WDR36: variants seen among roughly 807,000 people sequenced by gnomAD.
WDR36 encodes the protein WD repeat domain 36, also known as WD repeat-containing protein 36.
A neutral mutation model predicts 112.7 loss-of-function variants in WDR36; 63 were observed. That is an observed-to-expected ratio of 0.56 (90% confidence interval 0.46 to 0.69). The LOEUF (loss-of-function observed/expected upper bound fraction) is 0.69, where lower values mean the gene tolerates loss of function less well. Ranked by LOEUF, WDR36 falls within the 30% of genes least tolerant of loss-of-function variation. WDR36 has a pLI of 0.00. For synonymous variants in WDR36, 410 were observed against 362.2 expected (o/e 1.13, Z -1.50); for missense variants, 1,226 against 1,070.3 (o/e 1.15, Z -2.03).
intron 12 of WDR36, among the ~76,000 whole-genome samples, chr5:111,109,641 T>C (rs1753287820): frequency 2.0e-5 from 3 of 151,408 alleles, no homozygotes; most frequent in Admixed American, 2.0e-4. Context: ...AATATTGATA[T>C]TTTAAGTATT....
Position 111,123,888 on chromosome 5 carries a change from A to T in WDR36, c.2232A>T (p.Arg744Ser), listed in dbSNP as rs780142881. ...CAACAATTCCTGGCCTTGTACCCAG[A>T]TATGCTGCACCTGAACAAAATAATG... Reference protein sequence around the residue: ...FIPTIPGLVPRYAAPEQNNDP... With the variant: ...FIPTIPGLVPSYAAPEQNNDP... The change falls in exon 20 of 23, where the codon AGA becomes AGT. Residue 744 changes from arginine (R) to serine (S), a missense_variant. Physicochemically the swap from Arg to Ser is moderately radical, Grantham distance 110. Transcript: ENST00000513710. 10 of 1,613,892 alleles carry T rather than the reference A, an allele frequency of 6.2e-6. No individual in the cohort carries two copies. The South Asian group carries it at 9.9e-5, about 16-fold the overall frequency.
chr5:111,110,646 TA>T, intron 13 of WDR36, 141 bp from the exon 14 acceptor site: 1 of 964,756 alleles, frequency 1.0e-6, no homozygotes, highest in East Asian at 2.6e-5. Flanking sequence ...CTTACACCCC[TA>T]AAATCCAGAT....
At chr5:111,107,728 T>C (rs1200459360) in intron 12 of WDR36, among the ~76,000 whole-genome samples, 7 of 150,880 alleles carry the variant, frequency 4.6e-5, no homozygotes, top group Non-Finnish European at 8.9e-5. Flanking sequence ...CCAGCACTAT[T>C]TGTTCAAAAG....
chr5:111,109,455 A>G (rs1580397408), intron 12 of WDR36, among the ~76,000 whole-genome samples: 1 of 151,308 alleles, frequency 6.6e-6, no homozygotes, highest in East Asian at 1.9e-4. Context: ...AGTTAAATAA[A>G]CCTTCATTAA....
chr5:111,126,402 G>A (rs552123190), intron 22 of WDR36, among the ~76,000 whole-genome samples: 11 of 152,104 alleles, frequency 7.2e-5, no homozygotes, highest in South Asian at 2.1e-4. Context: ...AGATGATGCC[G>A]ATTTTTGGTG....
intron 18 of WDR36, 59 bp from the exon 19 acceptor site, chr5:111,120,937 G>T (rs1022017978): frequency 2.8e-6 from 4 of 1,412,598 alleles, no homozygotes; most frequent in Admixed American, 3.4e-5. Context: ...GATTTGGAAT[G>T]AATTAAGTTG....
chr5:111,114,762 C>A (rs1210800351), intron 16 of WDR36, among the ~76,000 whole-genome samples: 1 of 152,110 alleles, frequency 6.6e-6, no homozygotes, highest in Non-Finnish European at 1.5e-5. Flanking sequence ...TTGCTATTTT[C>A]TAAAAGTTAA....
chr5:111,120,862 A>C (rs1188323681), intron 18 of WDR36, 134 bp from the exon 19 acceptor site: 6 of 855,264 alleles, frequency 7.0e-6, no homozygotes, highest in African/African-American at 1.7e-5. Flanking sequence ...GACAGGGATA[A>C]GTAAATGAAA....
intron 17 of WDR36, among the ~76,000 whole-genome samples, chr5:111,119,939 C>G (rs1753530504): frequency 6.6e-6 from 1 of 152,148 alleles, no homozygotes; most frequent in Admixed American, 6.5e-5. Flanking sequence ...ACCTGAGATT[C>G]TCAATTTTTA....
chr5:111,106,124 C>A lies in WDR36; in HGVS notation c.1161C>A (p.Pro387=). The change falls in exon 11 of 23, where the codon CCC becomes CCA. Residue 387 remains proline, a synonymous_variant. Coordinates refer to ENST00000513710, the MANE Select transcript of WDR36 (RefSeq NM_139281.3). The part of the protein sequence containing the change: ...LQNTMSVRLP[P]ITKFAAEEAR... ...ATACCATGTCAGTGAGACTTCCACC[C>A]ATCACAAAGTTTGCAGCAGGTAAGT... The A allele has an allele frequency of 6.2e-7, 1 of 1,609,926 alleles. No homozygotes were observed. The highest frequency in any genetic ancestry group is 8.5e-7 in the Non-Finnish European group (1 of 1,177,080).
chr5:111,103,236 T>C (rs1753156702), intron 6 of WDR36, among the ~76,000 whole-genome samples: 1 of 151,800 alleles, frequency 6.6e-6, no homozygotes, highest in African/African-American at 2.4e-5. Context: ...TAATAGAGCC[T>C]GTATGTAAGA....
At chr5:111,119,156 G>A in intron 17 of WDR36, 36 bp downstream of exon 17, 1 of 1,523,070 alleles carries the variant, frequency 6.6e-7, no homozygotes, top group Non-Finnish European at 9.1e-7. Context: ...TTGGGATGAA[G>A]AAGATTGTAT....
chr5:111,125,945 T>G (rs1753672072), intron 22 of WDR36, 150 bp downstream of exon 22: 1 of 703,530 alleles, frequency 1.4e-6, no homozygotes, highest in African/African-American at 1.8e-5. Flanking sequence ...GTTCTTGAAA[T>G]GTAAATAGTG....
chr5:111,122,720 C>T (rs1344076030), intron 19 of WDR36, among the ~76,000 whole-genome samples: 3 of 152,202 alleles, frequency 2.0e-5, no homozygotes, highest in South Asian at 2.1e-4. Context: ...AATAGAATGT[C>T]TCCCTAGGGC....
chr5:111,112,406 G>A lies in WDR36; in HGVS notation c.1717-668G>A, dbSNP rs1031603763. ...TTTGAGTTCCCATTGTATTACTGCAGCCTGAGGAACAAATCAACATTTACG... is the reference window on the plus strand; with the variant it reads ...TTTGAGTTCCCATTGTATTACTGCAACCTGAGGAACAAATCAACATTTACG... On this transcript the variant is annotated intron_variant, in intron 15 of 22. Transcript: ENST00000513710. Among the ~76,000 whole-genome samples, 3 of 151,868 alleles carry A rather than the reference G, an allele frequency of 2.0e-5. No homozygotes were observed. The South Asian group carries it at 6.2e-4, about 32-fold the overall frequency.
chr5:111,120,944 G>A, intron 18 of WDR36, 52 bp from the exon 19 acceptor site: 1 of 1,473,020 alleles, frequency 6.8e-7, no homozygotes, highest in Non-Finnish European at 9.5e-7. Flanking sequence ...AATGAATTAA[G>A]TTGCTTTTAT....
chr5:111,122,653 G>C (rs6594498), intron 19 of WDR36, among the ~76,000 whole-genome samples: 2 of 151,890 alleles, frequency 1.3e-5, no homozygotes, highest in Non-Finnish European at 2.9e-5. Flanking sequence ...TACAGTTTGC[G>C]GTGCTTTGTC....
At chr5:111,123,733 G>C (rs1753617116) in intron 19 of WDR36, 72 bp from the exon 20 acceptor site, 1 of 1,570,696 alleles carries the variant, frequency 6.4e-7, no homozygotes, top group Non-Finnish European at 8.7e-7. Flanking sequence ...TTTTAAAATT[G>C]ATTTGAAATT....
Position 111,104,928 on chromosome 5 carries a change from A to G in WDR36, c.1027+111A>G, listed in dbSNP as rs1753195549. The G allele has an allele frequency of 3.9e-6, 6 of 1,534,944 alleles. No homozygotes were observed. In the African/African-American group the frequency reaches 4.1e-5, roughly 10 times the overall value. ...TTAGATTCACATATCTCTTTGAGTG[A>G]CTTAGAAGTCTGGGTAAAACTAAGA... On this transcript the variant is annotated intron_variant, in intron 9 of 22. Transcript: ENST00000513710.
Sources: allele counts gnomAD v4.1 joint callset (sites outside exome capture counted in the v4.1 genomes callset), GRCh38; gene constraint gnomAD v4.1.1; transcripts MANE v1.5; gene names NCBI Gene and HGNC (gene_info 2026-07-23, HGNC 2026-07-21).